PCDHGA5: variants seen among roughly 807,000 people sequenced by gnomAD.
The protein encoded by PCDHGA5 is protocadherin gamma-A5.
Under a neutral mutation model 56.7 loss-of-function variants are expected in PCDHGA5, and 36 were observed. That is an observed-to-expected ratio of 0.64 (90% CI 0.49 to 0.84). PCDHGA5 has a LOEUF of 0.84. PCDHGA5 is among the 40% of genes least tolerant of loss of function. The probability of loss-of-function intolerance (pLI) is 0.00; values close to 1 mark genes in which losing one functional copy is unlikely to be tolerated. For missense variants in PCDHGA5, 1,305 were observed against 1,201.5 expected (o/e 1.09, Z -1.27); for synonymous variants, 563 against 520.2 (o/e 1.08, Z -1.12).
chr5:141,388,355 C>T (rs1204433407), intron 1 of PCDHGA5: 6 of 1,613,954 alleles, frequency 3.7e-6, no homozygotes, highest in Non-Finnish European at 5.1e-6. Flanking sequence ...TAGGATCTGC[C>T]CATGATGCGG....
intron 1 of PCDHGA5, chr5:141,393,283 C>T (rs2150516449): frequency 6.2e-7 from 1 of 1,613,988 alleles, no homozygotes; most frequent in Middle Eastern, 1.6e-4. Flanking sequence ...CTCCCAGAAG[C>T]TGTTGACCCG....
chr5:141,453,869 G>A (rs887544235), intron 1 of PCDHGA5, among the ~76,000 whole-genome samples: 9 of 152,144 alleles, frequency 5.9e-5, no homozygotes, highest in Non-Finnish European at 1.2e-4. Context: ...TAACAGATGA[G>A]CAAAATAATG....
chr5:141,405,037 G>C (rs756524085), intron 1 of PCDHGA5: 5 of 1,613,856 alleles, frequency 3.1e-6, no homozygotes, highest in Non-Finnish European at 4.2e-6. Flanking sequence ...ACCTCGTTGT[G>C]GCTGTGGCAG....
rs549829392 is a variant in PCDHGA5 at position 141,403,606 on chromosome 5, C to T, written c.2421+36855C>T. The T allele has an allele frequency of 3.1e-5, 50 of 1,613,710 alleles. No homozygotes were observed. The East Asian group carries it at 8.5e-4, about 27-fold the overall frequency. Reference sequence around the variant, plus strand: ...TGGTCCTCACGGCCTCGGATGGCGGCGAGCCGCGTCGCTCCAGCACAGTGC... The same window carrying T: ...TGGTCCTCACGGCCTCGGATGGCGGTGAGCCGCGTCGCTCCAGCACAGTGC... On this transcript the variant is annotated intron_variant, in intron 1 of 3. Coordinates refer to ENST00000518069, the MANE Select transcript of PCDHGA5 (RefSeq NM_018918.3).
intron 1 of PCDHGA5, chr5:141,375,227 G>C: frequency 6.2e-7 from 1 of 1,613,962 alleles, no homozygotes; most frequent in East Asian, 2.2e-5. Context: ...GAATGGCCTG[G>C]TAACCTGTTC....
At chr5:141,465,457 C>G (rs956070103) in intron 1 of PCDHGA5, among the ~76,000 whole-genome samples, 1 of 152,214 alleles carries the variant, frequency 6.6e-6, no homozygotes, top group Non-Finnish European at 1.5e-5. Context: ...AAAACTCTCA[C>G]CAAATTGCCC....
At chr5:141,397,324 T>C (rs2093508718) in intron 1 of PCDHGA5, among the ~76,000 whole-genome samples, 1 of 152,148 alleles carries the variant, frequency 6.6e-6, no homozygotes, top group African/African-American at 2.4e-5. Flanking sequence ...TAAAGAAAAA[T>C]TATTTTTATA....
chr5:141,419,007 GGT>G (rs1181124538), intron 1 of PCDHGA5: 1 of 1,613,978 alleles, frequency 6.2e-7, no homozygotes, highest in South Asian at 1.1e-5. Flanking sequence ...GGGGAAGTCA[GGT>G]GTAGCTTAAG....
chr5:141,432,395 G>C lies in PCDHGA5; in HGVS notation c.2422-62412G>C, dbSNP rs748660079. The C allele has an allele frequency of 1.2e-6, 2 of 1,614,242 alleles. No homozygotes were observed. The highest frequency in any genetic ancestry group is 4.5e-5 in the East Asian group (2 of 44,882). On this transcript the variant is annotated intron_variant, in intron 1 of 3. Coordinates refer to ENST00000518069, the MANE Select transcript of PCDHGA5 (RefSeq NM_018918.3). The surrounding 1 kb of genome is among the most constrained non-coding windows in gnomAD (Gnocchi z 6.0). The stretch of plus-strand genomic sequence containing the variant: ...CGGGCACCCGCCCCTCAGCAGCAAC[G>C]TGTCGTTGAGCCTGTTCGTGCTGGA...
chr5:141,375,189 T>A, intron 1 of PCDHGA5: 1 of 1,613,998 alleles, frequency 6.2e-7, no homozygotes, highest in Non-Finnish European at 8.5e-7. Context: ...ATCGCCCTTT[T>A]TCAAGTGTTC....
chr5:141,392,812 C>T (rs2092600989), intron 1 of PCDHGA5: 2 of 1,583,404 alleles, frequency 1.3e-6, no homozygotes, highest in East Asian at 4.5e-5. Flanking sequence ...AGCAAAACAA[C>T]AATGGCCGCT....
At position 141,491,660 on chromosome 5, in the gene PCDHGA5, C is replaced by A; in HGVS notation, c.2422-3147C>A. ...ACAGCTCTGGCGCTGGAGCCTGACGCCATCCGGTCCCGCTCTAATACGCTG... is the reference window on the plus strand; with the variant it reads ...ACAGCTCTGGCGCTGGAGCCTGACGACATCCGGTCCCGCTCTAATACGCTG... On this transcript the variant is annotated intron_variant, in intron 1 of 3. Transcript: ENST00000518069. The surrounding 1 kb of genome is among the most constrained non-coding windows in gnomAD (Gnocchi z 6.9). The A allele has an allele frequency of 6.2e-7, 1 of 1,613,810 alleles. No individual in the cohort carries two copies. The highest frequency in any genetic ancestry group is 8.5e-7 in the Non-Finnish European group (1 of 1,180,008).
intron 1 of PCDHGA5, chr5:141,430,598 T>G: frequency 1.7e-6 from 1 of 598,568 alleles, no homozygotes; most frequent in Non-Finnish European, 2.6e-6. Context: ...TGCACGCGCC[T>G]GAAGCACAAA....
At chr5:141,367,766 A>T (rs1166226365) in intron 1 of PCDHGA5, 4 of 152,176 alleles carry the variant, frequency 2.6e-5, no homozygotes, top group Admixed American at 2.0e-4. Context: ...TGCACTCAAT[A>T]AATGTAAATA....
At position 141,366,709 on chromosome 5, in the gene PCDHGA5, G is replaced by A; in HGVS notation, c.2379G>A (p.Met793Ile). 5 of 1,614,228 alleles carry A rather than the reference G, an allele frequency of 3.1e-6. No individual in the cohort carries two copies. Among genetic ancestry groups the A allele is most frequent in the Non-Finnish European group, 4.2e-6 (5 of 1,180,020 alleles). ...GTGAGAAAAGCGAGCCTCTTCTGAT[G>A]TCTGATAAGGTAGATGCAAACAAAG... ...ESCEKSEPLL[M>I]SDKVDANKEE... Residue 793 changes from methionine to isoleucine, a missense_variant, in exon 1 of 4, where the codon ATG becomes ATA. Physicochemically the swap from Met to Ile is conservative, Grantham distance 10. Coordinates refer to ENST00000518069, the MANE Select transcript of PCDHGA5 (RefSeq NM_018918.3).
In PCDHGA5 at chr5:141,366,563, G is replaced by A. The variant is rs369803383; in HGVS notation, c.2233G>A (p.Gly745Arg). 2.0e-5 allele frequency: 32 copies of A among 1,614,130 alleles called. No individual in the cohort carries two copies. The African/African-American group carries it at 3.1e-4, about 15-fold the overall frequency. Residue 745 changes from glycine (G) to arginine (R), a missense_variant, in exon 1 of 4, where the codon GGG becomes AGG. Coordinates refer to ENST00000518069, the MANE Select transcript of PCDHGA5 (RefSeq NM_018918.3). ...CGCCTCGCACTTTGTGGGCGTGGAT[G>A]GGGTTCGGGCTTTCCTGCAGACCTA... ...VPASHFVGVD[G>R]VRAFLQTYSH...
At chr5:141,455,225 C>CA (rs2098817003) in intron 1 of PCDHGA5, among the ~76,000 whole-genome samples, 2 of 151,666 alleles carry the variant, frequency 1.3e-5, no homozygotes, top group South Asian at 2.1e-4. Context: ...AATGCTTTGA[C>CA]AAAAAATGTT....
intron 1 of PCDHGA5, chr5:141,423,124 C>T (rs748586131): frequency 1.9e-6 from 3 of 1,613,778 alleles, no homozygotes; most frequent in Non-Finnish European, 1.7e-6. Context: ...AGCGCGGGCA[C>T]TGCTGGACAG....
intron 1 of PCDHGA5, chr5:141,384,001 CT>C (rs752837795): frequency 6.2e-7 from 1 of 1,613,828 alleles, no homozygotes; most frequent in South Asian, 1.1e-5. Context: ...AGTCATTGCT[CT>C]TTTCTACCTA....
Sources: allele counts gnomAD v4.1 joint callset (sites outside exome capture counted in the v4.1 genomes callset), GRCh38; gene constraint gnomAD v4.1.1; non-coding constraint Gnocchi (gnomAD v3.1); transcripts MANE v1.5; gene names NCBI Gene and HGNC (gene_info 2026-07-23, HGNC 2026-07-21).